RBFOX3: variants seen among roughly 807,000 people sequenced by gnomAD.
RBFOX3 encodes RNA binding protein fox-1 homolog 3.
RBFOX3 carries 17 observed loss-of-function variants against 48.7 expected under a neutral mutation model. The ratio of observed to expected loss-of-function variants is 0.35; its 90% confidence interval spans 0.24 to 0.52. The LOEUF is 0.52. Among genes scored for constraint, RBFOX3 ranks in the 20% least tolerant of loss-of-function variants. RBFOX3 has a pLI of 0.94. For synonymous variants in RBFOX3, 212 were observed against 209.5 expected (o/e 1.01, Z -0.10); for missense variants, 382 against 497.5 (o/e 0.77, Z 2.21).
chr17:79,543,555 C>T (rs2150195213), intron 1 of RBFOX3, among the ~76,000 whole-genome samples: 1 of 152,278 alleles, frequency 6.6e-6, no homozygotes, highest in African/African-American at 2.4e-5. Context: ...CCAAGGCCTT[C>T]CTGCCAACTT....
At chr17:79,507,126 G>A (rs2083263921) in intron 1 of RBFOX3, among the ~76,000 whole-genome samples, 1 of 152,118 alleles carries the variant, frequency 6.6e-6, no homozygotes, top group Non-Finnish European at 1.5e-5. Context: ...ACCCCCGGGG[G>A]AGGCTGGAGA....
intron 4 of RBFOX3, among the ~76,000 whole-genome samples, chr17:79,157,987 C>G (rs2046197055): frequency 6.6e-6 from 1 of 152,188 alleles, no homozygotes; most frequent in Non-Finnish European, 1.5e-5. Flanking sequence ...GTCCTAACCC[C>G]TAGTACCTTA....
chr17:79,390,734 C>A lies in RBFOX3; in HGVS notation c.-174-82910G>T, dbSNP rs555470857. Among the ~76,000 whole-genome samples, 1 of 152,370 alleles carries A rather than the reference C, an allele frequency of 6.6e-6. No homozygotes were observed. Among genetic ancestry groups the A allele is most frequent in the Admixed American group, 6.5e-5 (1 of 15,312 alleles). The stretch of plus-strand genomic sequence containing the variant: ...TCAGACAATCTGCCCGTCTCGGCCT[C>A]CCAACGCATGGCCCATTCAAAGTTT... On this transcript the variant is annotated intron_variant, in intron 2 of 14. Coordinates refer to ENST00000693108, the MANE Select transcript of RBFOX3 (RefSeq NM_001350451.2). This position sits in a 1 kb window ranked among gnomAD's most constrained non-coding sequence, Gnocchi z 4.2.
At chr17:79,402,552 G>T (rs960900581) in intron 2 of RBFOX3, among the ~76,000 whole-genome samples, 2 of 152,218 alleles carry the variant, frequency 1.3e-5, no homozygotes, top group African/African-American at 2.4e-5. Context: ...GCCCCGCGGG[G>T]CGGACACAGA....
intron 4 of RBFOX3, among the ~76,000 whole-genome samples, chr17:79,175,800 G>A (rs1023328102): frequency 1.3e-5 from 2 of 152,220 alleles, no homozygotes; most frequent in East Asian, 1.9e-4. Flanking sequence ...TCCGAGCTGC[G>A]GGGCGCAGTA....
chr17:79,419,670 C>T (rs1555720993), intron 2 of RBFOX3, among the ~76,000 whole-genome samples: 1 of 152,214 alleles, frequency 6.6e-6, no homozygotes, highest in African/African-American at 2.4e-5. Context: ...CACCTGCAGT[C>T]CCCCTCACAA....
At chr17:79,540,252 A>C (rs535197064) in intron 1 of RBFOX3, among the ~76,000 whole-genome samples, 1 of 152,364 alleles carries the variant, frequency 6.6e-6, no homozygotes, top group African/African-American at 2.4e-5. Flanking sequence ...TCTGAGAGCC[A>C]GGATGTCACT....
At chr17:79,426,713 T>TTTGTTTG (rs1568230818) in intron 2 of RBFOX3, among the ~76,000 whole-genome samples, 1 of 150,068 alleles carries the variant, frequency 6.7e-6, no homozygotes, top group African/African-American at 2.5e-5. Flanking sequence ...TTGTTTGTTT[T>TTTGTTTG]TTTGCTTTGA....
intron 1 of RBFOX3, among the ~76,000 whole-genome samples, chr17:79,505,609 G>A (rs1182982949): frequency 1.3e-5 from 2 of 152,158 alleles, no homozygotes; most frequent in East Asian, 1.9e-4. Context: ...GGCACTGTCA[G>A]AGCACCAAGG....
intron 4 of RBFOX3, among the ~76,000 whole-genome samples, chr17:79,162,709 G>A (rs2145383847): frequency 6.6e-6 from 1 of 152,260 alleles, no homozygotes; most frequent in Admixed American, 6.5e-5. Context: ...CATTTGAACT[G>A]AGCTGTGCTA....
chr17:79,616,567 GTC>G, the RBFOX3 span, among the ~76,000 whole-genome samples: 1 of 99,510 alleles, frequency 1.0e-5, no homozygotes, highest in Non-Finnish European at 2.1e-5. Context: ...GGATCTCTCT[GTC>G]TCTCTCTATA....
chr17:79,579,983 T>C (rs1301248593), intron 1 of RBFOX3, among the ~76,000 whole-genome samples: 4 of 151,758 alleles, frequency 2.6e-5, no homozygotes, highest in South Asian at 4.2e-4. Context: ...GGGGAGTCAC[T>C]GGCTGCCATT....
intron 3 of RBFOX3, among the ~76,000 whole-genome samples, chr17:79,304,783 T>TTGA (rs1453142296): frequency 4.6e-5 from 7 of 152,184 alleles, no homozygotes; most frequent in Non-Finnish European, 8.8e-5. Flanking sequence ...GGGCCTCTGT[T>TTGA]CTTGGTTCCA....
chr17:79,413,632 C>T lies in RBFOX3; in HGVS notation c.-175+68822G>A, dbSNP rs565639338. Among the ~76,000 whole-genome samples, 6 of 152,324 alleles carry T rather than the reference C, an allele frequency of 3.9e-5. No individual in the cohort carries two copies. The East Asian group carries it at 5.8e-4, about 15-fold the overall frequency. On this transcript the variant is annotated intron_variant, in intron 2 of 14. Coordinates refer to ENST00000693108, the MANE Select transcript of RBFOX3 (RefSeq NM_001350451.2). ...GGAAGGAGGCTCTGGGCACAGGCAGCGTTGCAGCCCCAGTGAGAGATCCTT... is the reference window on the plus strand; with the variant it reads ...GGAAGGAGGCTCTGGGCACAGGCAGTGTTGCAGCCCCAGTGAGAGATCCTT...
chr17:79,492,342 T>G (rs2080810684), intron 1 of RBFOX3, among the ~76,000 whole-genome samples: 1 of 152,204 alleles, frequency 6.6e-6, no homozygotes, highest in Admixed American at 6.5e-5. Context: ...CACTGGTCTG[T>G]GTGACCAATA....
chr17:79,642,214 G>T, the RBFOX3 span, among the ~76,000 whole-genome samples: 1 of 152,154 alleles, frequency 6.6e-6, no homozygotes, highest in African/African-American at 2.4e-5. Flanking sequence ...GCTGAAGGGT[G>T]GGAGGAAATG....
chr17:79,452,388 C>T (rs556498205), intron 2 of RBFOX3, among the ~76,000 whole-genome samples: 21 of 152,300 alleles, frequency 1.4e-4, no homozygotes, highest in African/African-American at 3.9e-4. Flanking sequence ...ATGCCTTCGA[C>T]GCAGAAGGCA....
intron 4 of RBFOX3, among the ~76,000 whole-genome samples, chr17:79,227,223 G>C (rs2060411125): frequency 6.6e-6 from 1 of 152,242 alleles, no homozygotes; most frequent in Admixed American, 6.5e-5. Flanking sequence ...GCGAATTCCA[G>C]CAGAGGAGGG....
chr17:79,461,750 C>T (rs2075395907), intron 2 of RBFOX3, among the ~76,000 whole-genome samples: 1 of 152,160 alleles, frequency 6.6e-6, no homozygotes, highest in African/African-American at 2.4e-5. Flanking sequence ...TAGGATGGGC[C>T]TCCAATCCAA....
Sources: gnomAD v4.1 joint callset for allele counts (sites outside exome capture counted in the v4.1 genomes callset) on GRCh38, gnomAD v4.1.1 for gene constraint, Gnocchi (gnomAD v3.1) non-coding constraint, MANE v1.5 for transcripts, NCBI Gene and HGNC (gene_info 2026-07-23, HGNC 2026-07-21) for gene names.